The following LRP2 variants were observed in gnomAD, a reference collection of about 807,000 sequenced individuals.
The protein encoded by LRP2 is LDL receptor related protein 2.
A neutral mutation model predicts 531.0 loss-of-function variants in LRP2; 172 were observed. The ratio of observed to expected loss-of-function variants is 0.32; its 90% CI spans 0.29 to 0.37. LRP2 has a LOEUF of 0.37. Ranked by LOEUF, LRP2 falls within the 10% of genes least tolerant of loss-of-function variation. The pLI is 1.00. For synonymous variants in LRP2, 1,992 were observed against 2,027.6 expected, an observed-to-expected ratio of 0.98 and a Z score of 0.47; for missense variants, 5,167 against 5,868.3, an observed-to-expected ratio of 0.88 and a Z score of 3.90.
At chr2:169,260,556 C>T (rs1371819501) in intron 16 of LRP2, among the ~76,000 whole-genome samples, 1 of 151,972 alleles carries the variant, frequency 6.6e-6, no homozygotes, top group Non-Finnish European at 1.5e-5. Context: ...TGTAGGATAT[C>T]CAGGTGACGT....
rs149371867 is a variant in LRP2, at chr2:169,182,664, G to A, written c.9846-345C>T. ...TAGCAGAACAGGGAAGCAGAGGTGA[G>A]TATCATGAATTACAGTTTAAATGGT... On this transcript the variant is annotated intron_variant, in intron 50 of 78. Coordinates refer to ENST00000649046, the MANE Select transcript of LRP2 (RefSeq NM_004525.3). 180 of 984,964 alleles carry A rather than the reference G, an allele frequency of 1.8e-4. No individual in the cohort carries two copies. In the Middle Eastern group the frequency reaches 2.6e-3, roughly 14 times the overall value. 61.0% of individuals were successfully genotyped at this position (984,964 alleles called of 1,614,324 possible). A position where few individuals can be genotyped will look rare whatever the true frequency, so the allele number is the denominator to read the frequency against.
chr2:169,337,846 C>T (rs1024779632), intron 1 of LRP2, among the ~76,000 whole-genome samples: 3 of 152,190 alleles, frequency 2.0e-5, no homozygotes, highest in Non-Finnish European at 2.9e-5. Flanking sequence ...GTAGCTCACG[C>T]CTATAATCCC....
At chr2:169,166,158 A>G in intron 61 of LRP2, 104 bp from the exon 62 acceptor site, 1 of 1,100,368 alleles carries the variant, frequency 9.1e-7, no homozygotes. Flanking sequence ...TCATTCATGC[A>G]CTCATTTACT....
Position 169,139,549 on chromosome 2 carries a change from C to T in LRP2, c.13261G>A (p.Gly4421Arg). ...TCACATTCTTAAAACTTACTTGTTC[C>T]TGGAGAGATGCCTTTTGAAAACGCC... ...EMAFSKGISP[G>R]TTAVAVLLTI... Residue 4421 changes from glycine (G) to arginine (R), a missense_variant, in exon 73 of 79, where the codon GGA (glycine) becomes AGA (arginine). This residue lies in a region of LRP2 where 348 missense variants were observed against 369.3 expected (regional missense o/e 0.94). Coordinates refer to ENST00000649046, the MANE Select transcript of LRP2 (RefSeq NM_004525.3). 6.2e-7 allele frequency: 1 copy of T among 1,614,194 alleles called. No individual in the cohort carries two copies. Among genetic ancestry groups the T allele is most frequent in the Non-Finnish European group, 8.5e-7 (1 of 1,180,036 alleles).
intron 46 of LRP2, among the ~76,000 whole-genome samples, chr2:169,194,126 C>A (rs565407176): frequency 1.3e-5 from 2 of 152,268 alleles, no homozygotes; most frequent in South Asian, 4.1e-4. Flanking sequence ...AAATGAGATA[C>A]AATATTCCCT....
chr2:169,350,914 C>T (rs1413717560), intron 1 of LRP2, among the ~76,000 whole-genome samples: 1 of 151,948 alleles, frequency 6.6e-6, no homozygotes, highest in Non-Finnish European at 1.5e-5. Flanking sequence ...AGAGTCCATG[C>T]CGCCTCCCTG....
At chr2:169,238,331 A>T (rs745976931) in intron 26 of LRP2, 29 bp from the exon 27 acceptor site, 1 of 1,443,688 alleles carries the variant, frequency 6.9e-7, no homozygotes, top group South Asian at 1.1e-5. Flanking sequence ...CAAAAATGTC[A>T]ATGATACTGG....
intron 16 of LRP2, 128 bp from the exon 17 acceptor site, chr2:169,259,345 T>TAA (rs58193729): frequency 1.8e-4 from 78 of 422,230 alleles, no homozygotes; most frequent in African/African-American, 8.3e-4. Context: ...TGGAATTCTT[T>TAA]AAAAAAAAAA....
chr2:169,345,995 GAAGT>G (rs1442305321), intron 1 of LRP2, among the ~76,000 whole-genome samples: 1 of 152,200 alleles, frequency 6.6e-6, no homozygotes, highest in East Asian at 1.9e-4. Flanking sequence ...CTAAAGGGAA[GAAGT>G]AACTACAGCT....
At chr2:169,170,921 G>GTTTT (rs57451386) in intron 58 of LRP2, among the ~76,000 whole-genome samples, 4,312 of 91,854 alleles carry the variant, frequency 0.047, 519 homozygotes, top group Middle Eastern at 0.1. Flanking sequence ...CTCTCTCTCT[G>GTTTT]TTTTTTTTTT....
At chr2:169,190,438 T>C (rs904955369) in intron 48 of LRP2, among the ~76,000 whole-genome samples, 1 of 152,202 alleles carries the variant, frequency 6.6e-6, no homozygotes, top group African/African-American at 2.4e-5. Context: ...GCTGAGTCCC[T>C]GCTCCTTCAC....
intron 68 of LRP2, among the ~76,000 whole-genome samples, chr2:169,149,537 A>G (rs946783312): frequency 6.6e-6 from 1 of 152,142 alleles, no homozygotes; most frequent in African/African-American, 2.4e-5. Flanking sequence ...AATTACAAAG[A>G]CTAAAATAAG....
At chr2:169,317,690 T>A (rs984065791) in intron 3 of LRP2, among the ~76,000 whole-genome samples, 3 of 152,158 alleles carry the variant, frequency 2.0e-5, no homozygotes, top group Non-Finnish European at 2.9e-5. Context: ...TATACAAATA[T>A]CCTTAATAGA....
chr2:169,247,360 C>T lies in LRP2; in HGVS notation c.2908+18G>A, dbSNP rs182125868. 3,266 of 1,613,600 alleles carry T rather than the reference C, an allele frequency of 2.0e-3. 9 individuals carry two copies. The highest frequency in any genetic ancestry group is 2.4e-3 in the Non-Finnish European group (2,838 of 1,179,872). ...AACCCATACAAAAAAATAAAAAAAA[C>T]TGGGCAATCTCACTCACCAGTCTGG... On this transcript the variant is annotated intron_variant, in intron 20 of 78. Transcript: ENST00000649046.
At position 169,239,634 on chromosome 2, in the gene LRP2, A is replaced by C. The variant is rs1445297413; in HGVS notation, c.4187T>G (p.Ile1396Ser). Residue 1396 changes from isoleucine (I) to serine (S), a missense_variant, in exon 26 of 79, where the codon ATT (isoleucine) becomes AGT (serine). Around this residue, in one of 6 missense-constraint regions of LRP2, gnomAD observed 2,811 missense variants for 3,058.0 expected, o/e 0.92. Coordinates refer to ENST00000649046, the MANE Select transcript of LRP2 (RefSeq NM_004525.3). Reference sequence around the variant, plus strand: ...ACAGTGCTGGCTACAAGAGCCTAGAATATCACATTCATCTATGTCTTCACA... The same window carrying C: ...ACAGTGCTGGCTACAAGAGCCTAGACTATCACATTCATCTATGTCTTCACA... ...KTCEDIDECD[I>S]LGSCSQHCYN... is the part of the protein sequence containing the mutation. 6.8e-6 allele frequency: 11 copies of C among 1,614,136 alleles called. No individual in the cohort carries two copies. In the South Asian group the frequency reaches 1.2e-4, roughly 18 times the overall value.
At position 169,174,292 on chromosome 2, in the gene LRP2, AT is replaced by A. The variant is rs1687108136; in HGVS notation, c.10769-129del. On this transcript the variant is annotated intron_variant, in intron 55 of 78. Coordinates refer to ENST00000649046, the MANE Select transcript of LRP2 (RefSeq NM_004525.3). ...AGAGGACTTATTTCCTAATGTACTT[AT>A]CAGTCAGTACTACTACATGGAGCAC... The A allele has an allele frequency of 1.3e-5, 15 of 1,117,038 alleles. No individual in the cohort carries two copies. In the South Asian group the frequency reaches 1.8e-4, roughly 13 times the overall value. 69.2% of individuals were successfully genotyped at this position (1,117,038 alleles called of 1,614,324 possible).
At chr2:169,328,684 G>A (rs1037462206) in intron 1 of LRP2, among the ~76,000 whole-genome samples, 9 of 152,016 alleles carry the variant, frequency 5.9e-5, no homozygotes, top group Admixed American at 5.9e-4. Context: ...TATGATGTGA[G>A]ATTTATACTT....
rs745759170 is a variant in LRP2 at position 169,259,008 on chromosome 2, A to C, written c.2513+17T>G. On this transcript the variant is annotated intron_variant, in intron 17 of 78. Coordinates refer to ENST00000649046, the MANE Select transcript of LRP2 (RefSeq NM_004525.3). ...ACATACAGTTTCAAGCTCTTAGGAA[A>C]ACATGAACACACTTACCCGGCAAAA... The C allele has an allele frequency of 4.3e-6, 7 of 1,612,252 alleles. No individual in the cohort carries two copies. Among genetic ancestry groups the C allele is most frequent in the Non-Finnish European group, 5.9e-6 (7 of 1,178,720 alleles).
At position 169,362,494 on chromosome 2, in the gene LRP2, T is replaced by A; in HGVS notation, c.-95A>T. ...AGCGCCTCTGCTAGCGAACGCTCCT[T>A]TAGGTCTGCACCTCCGCCAGCTCCT... On this transcript the variant is annotated 5_prime_UTR_variant, in exon 1 of 79. Coordinates refer to ENST00000649046, the MANE Select transcript of LRP2 (RefSeq NM_004525.3). 1 of 1,118,790 alleles carries A rather than the reference T, an allele frequency of 8.9e-7. No individual in the cohort carries two copies. Among genetic ancestry groups the A allele is most frequent in the Non-Finnish European group, 1.3e-6 (1 of 765,980 alleles). The allele number at this position is 1,118,790 out of a possible 1,614,324, so 69.3% of individuals were successfully genotyped here. A position where few individuals can be genotyped will look rare whatever the true frequency, so the allele number is the denominator to read the frequency against.
Sources: allele counts gnomAD v4.1 joint callset (sites outside exome capture counted in the v4.1 genomes callset), GRCh38; gene constraint gnomAD v4.1.1; regional missense constraint gnomAD v4.1.1; transcripts MANE v1.5; gene names NCBI Gene and HGNC (gene_info 2026-07-23, HGNC 2026-07-21).